The following UQCC1 variants were observed in gnomAD, a reference collection of about 807,000 sequenced individuals.
UQCC1 encodes the protein ubiquinol-cytochrome c reductase complex assembly factor 1.
In UQCC1, 38 loss-of-function variants were observed where a neutral mutation model predicts 48.0. The observed-to-expected ratio is 0.79, with a 90% CI of 0.61 to 1.04. The LOEUF (loss-of-function observed/expected upper bound fraction) is 1.04. Among genes scored for constraint, UQCC1 ranks in the 50% least tolerant of loss-of-function variants. UQCC1 has a pLI of 0.00. For synonymous variants in UQCC1, 111 were observed against 129.2 expected (o/e 0.86, Z 0.95); for missense variants, 368 against 381.8 (o/e 0.96, Z 0.30).
intron 2 of UQCC1, among the ~76,000 whole-genome samples, chr20:35,390,344 C>T (rs191881399): frequency 6.6e-6 from 1 of 151,760 alleles, no homozygotes; most frequent in Admixed American, 6.6e-5. Flanking sequence ...AATGCTTGAA[C>T]CTGGGAGGCG....
chr20:35,408,940 A>G (rs1357068086), intron 1 of UQCC1, among the ~76,000 whole-genome samples: 1 of 152,214 alleles, frequency 6.6e-6, no homozygotes, highest in Non-Finnish European at 1.5e-5. Context: ...TAAGCCAGTC[A>G]CAAAAGGTCA....
At chr20:35,327,618 C>T (rs1053078627) in intron 7 of UQCC1, among the ~76,000 whole-genome samples, 1 of 152,214 alleles carries the variant, frequency 6.6e-6, no homozygotes, top group African/African-American at 2.4e-5. Context: ...GAGCCTGGAT[C>T]CCAGGTAGAA....
rs2060896271 is a variant in UQCC1 at position 35,303,779 on chromosome 20, C to CT, written c.*155dup. ...CCAGCAGATCAGACTCCTGGGCACA[C>CT]TAAGAGGAAACTCAACACAAATGGG... On this transcript the variant is annotated 3_prime_UTR_variant, in exon 10 of 10. Coordinates refer to ENST00000374385, the MANE Select transcript of UQCC1 (RefSeq NM_018244.5). The CT allele has an allele frequency of 1.9e-6, 2 of 1,061,864 alleles. No homozygotes were observed. The highest frequency in any genetic ancestry group is 2.8e-6 in the Non-Finnish European group (2 of 721,442). 65.8% of individuals were successfully genotyped at this position (1,061,864 alleles called of 1,614,324 possible). A position where few individuals can be genotyped will look rare whatever the true frequency, so the allele number is the denominator to read the frequency against.
At chr20:35,374,548 G>A (rs2061774500) in intron 4 of UQCC1, among the ~76,000 whole-genome samples, 1 of 152,076 alleles carries the variant, frequency 6.6e-6, no homozygotes, top group Non-Finnish European at 1.5e-5. Context: ...CCACATTTGT[G>A]CCTCTAAATC....
intron 3 of UQCC1, among the ~76,000 whole-genome samples, chr20:35,383,421 GC>G (rs2061900163): frequency 6.6e-6 from 1 of 152,060 alleles, no homozygotes; most frequent in African/African-American, 2.4e-5. Flanking sequence ...AAATATTCAG[GC>G]TGGCATGGTG....
At position 35,303,769 on chromosome 20, in the gene UQCC1, C is replaced by G; in HGVS notation, c.*166G>C. 1.0e-6 allele frequency: 1 copy of G among 956,876 alleles called. No individual in the cohort carries two copies. The highest frequency in any genetic ancestry group is 1.5e-5 in the South Asian group (1 of 65,880). The allele number at this position is 956,876 out of a possible 1,614,324, so 59.3% of individuals were successfully genotyped here. A position where few individuals can be genotyped will look rare whatever the true frequency, so the allele number is the denominator to read the frequency against. On this transcript the variant is annotated 3_prime_UTR_variant, in exon 10 of 10. Transcript: ENST00000374385. ...GCCCTGTACCCCAGCAGATCAGACT[C>G]CTGGGCACACTAAGAGGAAACTCAA... is the stretch of plus-strand genomic sequence containing the variant.
rs142034321 is a variant in UQCC1, at chr20:35,401,658, CTT to C, written c.25-7464_25-7463del. 1.3e-4 allele frequency among the ~76,000 whole-genome samples: 15 copies of C among 117,956 alleles called. 1 individual carries two copies. The highest frequency in any genetic ancestry group is 2.0e-4 in the Admixed American group (2 of 10,178). The allele number at this position is 117,956 out of a possible 152,430, so 77.4% of individuals were successfully genotyped here. ...AATCAATTATAAACATGAAATCCAC[CTT>C]TTTTTTTTTTTTTTTTTTGAGACAG... On this transcript the variant is annotated intron_variant, in intron 1 of 9. Transcript: ENST00000374385.
chr20:35,399,122 A>G (rs956461989), intron 1 of UQCC1, among the ~76,000 whole-genome samples: 1 of 152,336 alleles, frequency 6.6e-6, no homozygotes, highest in African/African-American at 2.4e-5. Context: ...AATAAAAGCT[A>G]TCTCACAGGA....
At chr20:35,346,973 A>C (rs2061437926) in intron 7 of UQCC1, 191 bp downstream of exon 7, 3 of 1,521,174 alleles carry the variant, frequency 2.0e-6, no homozygotes, top group Non-Finnish European at 2.6e-6. Flanking sequence ...AATGTGTACA[A>C]ACACATAAAG....
chr20:35,396,600 G>A (rs1402676157), intron 1 of UQCC1, among the ~76,000 whole-genome samples: 13 of 152,108 alleles, frequency 8.5e-5, no homozygotes, highest in Admixed American at 7.2e-4. Context: ...TTTTGCAGTG[G>A]GAAAACACAC....
chr20:35,401,916 C>T (rs994093911), intron 1 of UQCC1, among the ~76,000 whole-genome samples: 3 of 151,936 alleles, frequency 2.0e-5, no homozygotes, highest in African/African-American at 7.3e-5. Flanking sequence ...CAGCCTCAGC[C>T]TCCCAAAGTG....
intron 6 of UQCC1, among the ~76,000 whole-genome samples, chr20:35,350,244 C>T (rs1473483677): frequency 1.3e-5 from 2 of 152,126 alleles, no homozygotes; most frequent in African/African-American, 4.8e-5. Context: ...CCTTCCACCT[C>T]GGCCTCCCAA....
rs574434862 is a variant in UQCC1 at position 35,314,126 on chromosome 20, G to T, written c.651+562C>A. On this transcript the variant is annotated intron_variant, in intron 8 of 9. Coordinates refer to ENST00000374385, the MANE Select transcript of UQCC1 (RefSeq NM_018244.5). ...ATTACAGGCACCCACCACCATACCC[G>T]GCTAAGTTTTGCATTTTTAGTGACA... Among the ~76,000 whole-genome samples the T allele has an allele frequency of 3.3e-5, 5 of 151,574 alleles. No homozygotes were observed. The East Asian group carries it at 9.7e-4, about 30-fold the overall frequency.
intron 2 of UQCC1, chr20:35,392,217 C>G (rs1334600006): frequency 7.7e-7 from 1 of 1,303,338 alleles, no homozygotes; most frequent in Non-Finnish European, 1.0e-6. Context: ...CCAAATCTTC[C>G]TCCCTGTGAG....
Position 35,328,011 on chromosome 20 carries a change from GA to G in UQCC1, c.574-13247del, listed in dbSNP as rs11481307. On this transcript the variant is annotated intron_variant, in intron 7 of 9. Transcript: ENST00000374385. ...ACAAGACTTTGTCTCACAAAAAAAGGAAAAAAAAAAAAAAAAGCATGGAACT... is the reference window on the plus strand; with the variant it reads ...ACAAGACTTTGTCTCACAAAAAAAGGAAAAAAAAAAAAAAAGCATGGAACT... 6.0e-3 allele frequency among the ~76,000 whole-genome samples: 760 copies of G among 125,676 alleles called. 17 individuals carry two copies. Among genetic ancestry groups the G allele is most frequent in the Admixed American group, 0.038 (468 of 12,188 alleles). 82.4% of individuals were successfully genotyped at this position (125,676 alleles called of 152,430 possible). A position where few individuals can be genotyped will look rare whatever the true frequency, so the allele number is the denominator to read the frequency against.
chr20:35,409,932 A>G, intron 1 of UQCC1: 1 of 151,852 alleles, frequency 6.6e-6, no homozygotes, highest in Non-Finnish European at 1.5e-5. Context: ...CAGCCTCACG[A>G]GTAGCTGGGA....
intron 2 of UQCC1, among the ~76,000 whole-genome samples, chr20:35,386,089 T>C (rs1189278325): frequency 1.3e-5 from 2 of 152,240 alleles, no homozygotes; most frequent in South Asian, 2.1e-4. Flanking sequence ...GCTTATAATA[T>C]GTATAAAATT....
chr20:35,356,040 T>C (rs139471397), intron 6 of UQCC1, among the ~76,000 whole-genome samples: 78 of 152,174 alleles, frequency 5.1e-4, no homozygotes, highest in African/African-American at 1.8e-3. Flanking sequence ...TGCACCACCA[T>C]GCCCAGCTAA....
At position 35,333,648 on chromosome 20, in the gene UQCC1, C is replaced by T. The variant is rs1299901853; in HGVS notation, c.573+13516G>A. ...CTCTCTCCAACAGGAACAGGGCAAA[C>T]GGCTCTCCAGAGTCCTGCTGCCCCC... is the stretch of plus-strand genomic sequence containing the variant. On this transcript the variant is annotated intron_variant, in intron 7 of 9. Coordinates refer to ENST00000374385, the MANE Select transcript of UQCC1 (RefSeq NM_018244.5). 6.6e-5 allele frequency among the ~76,000 whole-genome samples: 10 copies of T among 150,796 alleles called. No individual in the cohort carries two copies. In the East Asian group the frequency reaches 1.2e-3, roughly 18 times the overall value.
Sources: gnomAD v4.1 joint callset for allele counts (sites outside exome capture counted in the v4.1 genomes callset) on GRCh38, gnomAD v4.1.1 for gene constraint, MANE v1.5 for transcripts, NCBI Gene and HGNC (gene_info 2026-07-23, HGNC 2026-07-21) for gene names.